The following FSD2 variants were observed in gnomAD, a reference collection of about 807,000 sequenced individuals.
FSD2 encodes fibronectin type III and SPRY domain containing 2, also known as fibronectin type III and SPRY domain-containing protein 2.
A neutral mutation model predicts 80.4 loss-of-function variants in FSD2; 71 were observed. The observed-to-expected ratio is 0.88, with a 90% CI of 0.73 to 1.08. FSD2 has a LOEUF of 1.08. FSD2 is among the 50% of genes least tolerant of loss of function. The pLI, the probability that FSD2 is intolerant of heterozygous loss-of-function variation, is 0.00. For missense variants in FSD2, 923 were observed against 913.8 expected, an observed-to-expected ratio of 1.01 and a Z score of -0.13; for synonymous variants, 361 against 329.5, an observed-to-expected ratio of 1.10 and a Z score of -1.03.
chr15:82,768,765 G>A, intron 9 of FSD2, 115 bp downstream of exon 9: 1 of 1,027,990 alleles, frequency 9.7e-7, no homozygotes, highest in Non-Finnish European at 1.3e-6. Context: ...CAAAAATTGA[G>A]ATTCCTGTGT....
At chr15:82,769,565 CA>C (rs71156049) in intron 8 of FSD2, among the ~76,000 whole-genome samples, 184 bp downstream of exon 8, 43 of 141,668 alleles carry the variant, frequency 3.0e-4, no homozygotes, top group Admixed American at 5.7e-4. Context: ...GGACTCATCT[CA>C]AAAAAAAAAA....
intron 6 of FSD2, among the ~76,000 whole-genome samples, chr15:82,777,317 A>G (rs890521796): frequency 1.3e-5 from 2 of 152,226 alleles, no homozygotes; most frequent in African/African-American, 2.4e-5. Flanking sequence ...ATATTTGCAA[A>G]CTATCTGATA....
chr15:82,758,662 A>T lies in FSD2; in HGVS notation c.*686T>A, dbSNP rs1054120772. On this transcript the variant is annotated 3_prime_UTR_variant, in exon 13 of 13. Transcript: ENST00000334574. Reference sequence around the variant, plus strand: ...GAAGATACTAATTTATTCAACAAATACTTGGTGACAGCTGTTATGTGTTAG... The same window carrying T: ...GAAGATACTAATTTATTCAACAAATTCTTGGTGACAGCTGTTATGTGTTAG... 6.6e-6 allele frequency: 1 copy of T among 152,508 alleles called. No individual in the cohort carries two copies. The highest frequency in any genetic ancestry group is 1.5e-5 in the Non-Finnish European group (1 of 68,058). The allele number at this position is 152,508 out of a possible 1,614,324, so 9.4% of individuals were successfully genotyped here.
chr15:82,795,060 A>G (rs1451995971), intron 1 of FSD2, among the ~76,000 whole-genome samples: 2 of 152,120 alleles, frequency 1.3e-5, no homozygotes, highest in African/African-American at 2.4e-5. Context: ...ATCCCTCTTT[A>G]TCTCTACTAA....
intron 3 of FSD2, 121 bp downstream of exon 3, chr15:82,786,390 G>C: frequency 1.4e-6 from 1 of 730,196 alleles, no homozygotes. Flanking sequence ...AGAGAAGGGG[G>C]AGTGGTGACC....
chr15:82,780,194 T>C, intron 5 of FSD2, 51 bp downstream of exon 5: 1 of 1,336,950 alleles, frequency 7.5e-7, no homozygotes, highest in African/African-American at 1.5e-5. Flanking sequence ...TTTGGATAAC[T>C]AAAGTTGAAA....
chr15:82,789,030 C>T (rs1022801698), intron 1 of FSD2, among the ~76,000 whole-genome samples: 1 of 151,200 alleles, frequency 6.6e-6, no homozygotes, highest in Non-Finnish European at 1.5e-5. Flanking sequence ...CTCTCTCTAA[C>T]CTAGTAATCC....
At position 82,759,274 on chromosome 15, in the gene FSD2, G is replaced by A; in HGVS notation, c.*74C>T. ...TGGGCACATGGTGCTTAAGTGCCAGGTTCAGCCAGCTAAGGCGTGAGCAGC... is the reference window on the plus strand; with the variant it reads ...TGGGCACATGGTGCTTAAGTGCCAGATTCAGCCAGCTAAGGCGTGAGCAGC... On this transcript the variant is annotated 3_prime_UTR_variant, in exon 13 of 13. Coordinates refer to ENST00000334574, the MANE Select transcript of FSD2 (RefSeq NM_001007122.4). The A allele has an allele frequency of 6.6e-7, 1 of 1,517,274 alleles. No homozygotes were observed. Among genetic ancestry groups the A allele is most frequent in the African/African-American group, 1.4e-5 (1 of 72,572 alleles). The allele number at this position is 1,517,274 out of a possible 1,614,324, so 94.0% of individuals were successfully genotyped here.
chr15:82,756,200 T>G lies in FSD2; in HGVS notation c.*3148A>C, dbSNP rs533756108. 7.7e-5 allele frequency: 22 copies of G among 286,560 alleles called. No individual in the cohort carries two copies. In the East Asian group the frequency reaches 1.7e-3, roughly 22 times the overall value. 17.8% of individuals were successfully genotyped at this position (286,560 alleles called of 1,614,324 possible). On this transcript the variant is annotated 3_prime_UTR_variant, in exon 13 of 13. Coordinates refer to ENST00000334574, the MANE Select transcript of FSD2 (RefSeq NM_001007122.4). ...TAATTGATAGGAAGGTGACTAGAAA[T>G]TGGCGAAGTTTTCTTGGTAAGTTGA...
intron 3 of FSD2, among the ~76,000 whole-genome samples, chr15:82,785,869 C>T (rs994482128): frequency 3.9e-5 from 6 of 152,112 alleles, no homozygotes; most frequent in East Asian, 3.9e-4. Flanking sequence ...GATAGCAACC[C>T]GGGGATTCTC....
chr15:82,802,543 C>T (rs886915337), intron 1 of FSD2, among the ~76,000 whole-genome samples: 2 of 152,112 alleles, frequency 1.3e-5, no homozygotes, highest in Non-Finnish European at 2.9e-5. Context: ...TAATGTCTTA[C>T]CATTAACAGC....
At chr15:82,780,972 G>A (rs748624528) in intron 4 of FSD2, among the ~76,000 whole-genome samples, 3 of 151,962 alleles carry the variant, frequency 2.0e-5, no homozygotes, top group Admixed American at 2.0e-4. Flanking sequence ...GGAGTTCAAG[G>A]CTGCATTGAG....
At chr15:82,778,380 A>G (rs2049774079) in intron 6 of FSD2, among the ~76,000 whole-genome samples, 1 of 152,020 alleles carries the variant, frequency 6.6e-6, no homozygotes, top group African/African-American at 2.4e-5. Context: ...AAGTTTTACC[A>G]TCTGTGACAA....
intron 6 of FSD2, among the ~76,000 whole-genome samples, chr15:82,777,135 G>A (rs544287001): frequency 3.0e-4 from 45 of 152,288 alleles, no homozygotes; most frequent in African/African-American, 7.2e-4. Flanking sequence ...AGAAAACATA[G>A]GTGAATAGCT....
chr15:82,772,051 C>A (rs2049590345), intron 7 of FSD2, 22 bp downstream of exon 7: 4 of 1,532,754 alleles, frequency 2.6e-6, no homozygotes, highest in Non-Finnish European at 3.5e-6. Flanking sequence ...TGAGCACGGG[C>A]ATGTTCCTGG....
intron 3 of FSD2, 113 bp downstream of exon 3, chr15:82,786,398 A>G: frequency 5.1e-6 from 4 of 779,492 alleles, no homozygotes; most frequent in Non-Finnish European, 4.3e-6. Context: ...GGGAGTGGTG[A>G]CCCCTCACAT....
intron 7 of FSD2, among the ~76,000 whole-genome samples, chr15:82,771,736 G>A (rs1458288276): frequency 6.6e-6 from 1 of 152,248 alleles, no homozygotes; most frequent in Non-Finnish European, 1.5e-5. Context: ...GCCAGGACAA[G>A]CTAGAACCCA....
At chr15:82,791,213 T>C (rs1254462646) in intron 1 of FSD2, among the ~76,000 whole-genome samples, 1 of 151,720 alleles carries the variant, frequency 6.6e-6, no homozygotes, top group Non-Finnish European at 1.5e-5. Flanking sequence ...TTAGCCAGGA[T>C]GGTCTCGATC....
chr15:82,780,599 C>T (rs1158603890), intron 4 of FSD2, among the ~76,000 whole-genome samples: 1 of 151,856 alleles, frequency 6.6e-6, no homozygotes, highest in African/African-American at 2.4e-5. Context: ...TCCCAAAGTG[C>T]TAGGGTTACA....
Sources: allele counts gnomAD v4.1 joint callset (sites outside exome capture counted in the v4.1 genomes callset), GRCh38; gene constraint gnomAD v4.1.1; transcripts MANE v1.5; gene names NCBI Gene and HGNC (gene_info 2026-07-23, HGNC 2026-07-21).